TRPM6: variants seen among roughly 807,000 people sequenced by gnomAD.
TRPM6 encodes the protein transient receptor potential cation channel subfamily M member 6.
Under a neutral mutation model 247.6 loss-of-function variants are expected in TRPM6, and 111 were observed. The observed-to-expected ratio is 0.45, with a 90% confidence interval of 0.38 to 0.52. The LOEUF is 0.52. Ranked by LOEUF, TRPM6 falls within the 20% of genes least tolerant of loss-of-function variation. The pLI is 0.00. For missense variants in TRPM6, 2,126 were observed against 2,421.5 expected, an observed-to-expected ratio of 0.88 and a Z score of 2.56; for synonymous variants, 892 against 853.8, an observed-to-expected ratio of 1.04 and a Z score of -0.78.
At chr9:74,772,219 C>A (rs779219672) in intron 24 of TRPM6, among the ~76,000 whole-genome samples, 8 of 152,160 alleles carry the variant, frequency 5.3e-5, no homozygotes, top group Non-Finnish European at 1.0e-4. Flanking sequence ...GTCAAGGCTG[C>A]AGGAGCTGTG....
In TRPM6 at chr9:74,782,674, C is replaced by T; in HGVS notation, c.3094+5G>A. 1 of 1,613,984 alleles carries T rather than the reference C, an allele frequency of 6.2e-7. No homozygotes were observed. Among genetic ancestry groups the T allele is most frequent in the East Asian group, 2.2e-5 (1 of 44,884 alleles). The stretch of plus-strand genomic sequence containing the variant: ...TTCTGCATGACGGTAAAATCCCATA[C>T]ACACCATCTATTTCTCCAGCATAGA... On this transcript the variant is annotated splice_donor_5th_base_variant and intron_variant, in intron 22 of 38. Transcript: ENST00000360774.
In TRPM6 at chr9:74,781,519, A is replaced by G. The variant is rs572721667; in HGVS notation, c.3209+843T>C. On this transcript the variant is annotated intron_variant, in intron 23 of 38. Transcript: ENST00000360774. ...CCAACTGCACTCCAGCCTGGGTAAC[A>G]GAGCAAGACTCTATCTCAAAAAAAA... 4.3e-5 allele frequency among the ~76,000 whole-genome samples: 6 copies of G among 140,244 alleles called. No individual in the cohort carries two copies. The East Asian group carries it at 1.3e-3, about 30-fold the overall frequency. The allele number at this position is 140,244 out of a possible 152,430, so 92.0% of individuals were successfully genotyped here. A position where few individuals can be genotyped will look rare whatever the true frequency, so the allele number is the denominator to read the frequency against.
rs193279248 is a variant in TRPM6 at position 74,837,969 on chromosome 9, G to A, written c.544+2055C>T. On this transcript the variant is annotated intron_variant, in intron 5 of 38. Transcript: ENST00000360774. ...TTGCCACATTGCCCAGGGTGGTCTC[G>A]AACTCCTGAGCTCAGGCAATTCACC... Among the ~76,000 whole-genome samples, 504 of 152,074 alleles carry A rather than the reference G, an allele frequency of 3.3e-3. 1 individual carries two copies. The highest frequency in any genetic ancestry group is 6.2e-3 in the Non-Finnish European group (424 of 68,004).
chr9:74,874,412 A>C (rs1048173109), intron 1 of TRPM6, among the ~76,000 whole-genome samples: 1 of 152,140 alleles, frequency 6.6e-6, no homozygotes, highest in Non-Finnish European at 1.5e-5. Context: ...CATGATATTA[A>C]AAGTTCCAGC....
At chr9:74,786,232 C>T (rs1827659123) in intron 20 of TRPM6, 107 bp from the exon 21 acceptor site, 1 of 1,239,988 alleles carries the variant, frequency 8.1e-7, no homozygotes, top group African/African-American at 1.5e-5. Context: ...TAATCTAAAA[C>T]CTGCCAAACC....
At chr9:74,825,046 G>A (rs1829280771) in intron 7 of TRPM6, among the ~76,000 whole-genome samples, 1 of 152,166 alleles carries the variant, frequency 6.6e-6, no homozygotes, top group Admixed American at 6.5e-5. Context: ...GATTACTTGA[G>A]GTCAGGAGTT....
chr9:74,852,718 C>G (rs1227539735), intron 3 of TRPM6, among the ~76,000 whole-genome samples: 1 of 152,240 alleles, frequency 6.6e-6, no homozygotes, highest in South Asian at 2.1e-4. Flanking sequence ...GTCTCCAGCT[C>G]CTGACCGCGA....
At chr9:74,886,118 T>C (rs1026791839) in intron 1 of TRPM6, among the ~76,000 whole-genome samples, 2 of 152,206 alleles carry the variant, frequency 1.3e-5, no homozygotes, top group African/African-American at 4.8e-5. Context: ...CCTTCACCTC[T>C]GGTATAATGA....
In TRPM6 at chr9:74,728,303, A is replaced by T. The variant is rs1825401895; in HGVS notation, c.5871T>A (p.Asp1957Glu). Residue 1957 changes from aspartate to glutamate, a missense_variant, in exon 38 of 39, where the codon GAT becomes GAA. By Grantham distance (45) the Asp-to-Glu change is conservative. Around this residue, in one of 3 missense-constraint regions of TRPM6, gnomAD observed 327 missense variants for 397.7 expected, o/e 0.82. Transcript: ENST00000360774. ...GTTTTGCAATGAAGTTTCTAATTGC[A>T]TCTTCCCCCAAATTGGCCGGTCCAA... ...MVFGPANLGE[D>E]AIRNFIAKHH... is the part of the protein sequence containing the mutation. 2 of 1,614,052 alleles carry T rather than the reference A, an allele frequency of 1.2e-6. No individual in the cohort carries two copies.
intron 32 of TRPM6, 70 bp from the exon 33 acceptor site, chr9:74,742,696 A>G (rs1305850332): frequency 7.8e-7 from 1 of 1,284,632 alleles, no homozygotes; most frequent in East Asian, 2.3e-5. Context: ...GCCTCTCCAC[A>G]TCAATATATT....
chr9:74,836,323 T>C (rs1829720073), intron 5 of TRPM6, among the ~76,000 whole-genome samples: 1 of 152,220 alleles, frequency 6.6e-6, no homozygotes, highest in African/African-American at 2.4e-5. Flanking sequence ...ACTGACCTTA[T>C]ATGTGTCATT....
chr9:74,771,953 C>A, intron 24 of TRPM6, 118 bp from the exon 25 acceptor site: 1 of 921,846 alleles, frequency 1.1e-6, no homozygotes, highest in Non-Finnish European at 1.7e-6. Context: ...AGTTTGTCAC[C>A]TTGTCAAACT....
chr9:74,764,123 CAAAA>C (rs79224540), intron 25 of TRPM6, among the ~76,000 whole-genome samples: 2 of 98,294 alleles, frequency 2.0e-5, no homozygotes, highest in Admixed American at 1.1e-4. Context: ...GACTCCATCT[CAAAA>C]AAAAAAAAAA....
At chr9:74,803,947 A>G in intron 14 of TRPM6, 61 bp from the exon 15 acceptor site, 1 of 1,085,030 alleles carries the variant, frequency 9.2e-7, no homozygotes, top group South Asian at 1.2e-5. Context: ...TATTTTTAAA[A>G]TAAAACAAAA....
chr9:74,804,801 C>T, intron 14 of TRPM6: 2 of 630,212 alleles, frequency 3.2e-6, no homozygotes, highest in East Asian at 5.7e-5. Flanking sequence ...TCGTAAGCAA[C>T]ATGGAAATAA....
In TRPM6 at chr9:74,808,127, T is replaced by C; in HGVS notation, c.1545A>G (p.Leu515=). ...GYRITLIDIG[L]VVEYLIGRAY... is the part of the protein sequence containing the mutation. ...CTCTACCAATGAGGTATTCTACTAC[T>C]AATCCAATGTCAATCAAGGTTATTC... The change falls in exon 14 of 39, where the codon TTA becomes TTG. Residue 515 remains leucine, a synonymous_variant. Transcript: ENST00000360774. The C allele has an allele frequency of 6.2e-7, 1 of 1,614,030 alleles. No individual in the cohort carries two copies. Among genetic ancestry groups the C allele is most frequent in the Non-Finnish European group, 8.5e-7 (1 of 1,179,936 alleles).
chr9:74,884,345 C>T (rs1324184721), intron 1 of TRPM6, among the ~76,000 whole-genome samples: 3 of 150,502 alleles, frequency 2.0e-5, no homozygotes, highest in Admixed American at 6.6e-5. Context: ...AAAAATGAGC[C>T]GGGCGTGGTG....
At chr9:74,794,531 C>G (rs2118980850) in intron 18 of TRPM6, among the ~76,000 whole-genome samples, 1 of 152,178 alleles carries the variant, frequency 6.6e-6, no homozygotes, top group South Asian at 2.1e-4. Flanking sequence ...TGGTGTAAAA[C>G]CAATTAGAAA....
chr9:74,758,442 C>A (rs933771085), intron 27 of TRPM6, among the ~76,000 whole-genome samples: 1 of 151,958 alleles, frequency 6.6e-6, no homozygotes, highest in African/African-American at 2.4e-5. Context: ...TGGGGTTTAT[C>A]CCAGTAAGGT....
Sources: allele counts gnomAD v4.1 joint callset (sites outside exome capture counted in the v4.1 genomes callset), GRCh38; gene constraint gnomAD v4.1.1; regional missense constraint gnomAD v4.1.1; transcripts MANE v1.5; gene names NCBI Gene and HGNC (gene_info 2026-07-23, HGNC 2026-07-21).